Variants in CHCHD3 observed in about 807,000 individuals in gnomAD.
The protein encoded by CHCHD3 is coiled-coil-helix-coiled-coil-helix domain containing 3, also known as MICOS complex subunit MIC19.
Under a neutral mutation model 38.2 loss-of-function variants are expected in CHCHD3, and 20 were observed. The ratio of observed to expected loss-of-function variants is 0.52; its 90% CI spans 0.37 to 0.76. CHCHD3 has a LOEUF of 0.76. CHCHD3 is among the 30% of genes least tolerant of loss of function. CHCHD3 has a pLI of 0.00. For missense variants in CHCHD3, 245 were observed against 279.2 expected (o/e 0.88, Z 0.87); for synonymous variants, 82 against 100.0 (o/e 0.82, Z 1.07).
chr7:132,869,127 C>T (rs2117146297), intron 5 of CHCHD3, among the ~76,000 whole-genome samples: 1 of 152,284 alleles, frequency 6.6e-6, no homozygotes, highest in South Asian at 2.1e-4. Flanking sequence ...AGAAGACATG[C>T]TCACATTACA....
intron 3 of CHCHD3, among the ~76,000 whole-genome samples, chr7:132,976,001 C>A (rs1811757975): frequency 1.3e-5 from 2 of 151,280 alleles, no homozygotes; most frequent in African/African-American, 4.9e-5. Flanking sequence ...ACTTACTCAA[C>A]TCGTCCATTT....
At chr7:132,800,060 G>A (rs1806749067) in intron 6 of CHCHD3, among the ~76,000 whole-genome samples, 1 of 152,020 alleles carries the variant, frequency 6.6e-6, no homozygotes, top group South Asian at 2.1e-4. Context: ...ACATTCTTTG[G>A]CTAATGTTTA....
intron 4 of CHCHD3, among the ~76,000 whole-genome samples, chr7:132,951,055 A>C (rs1428834445): frequency 2.0e-5 from 3 of 152,164 alleles, no homozygotes; most frequent in Admixed American, 6.6e-5. Flanking sequence ...GGGAGAGAAA[A>C]ACAGCAAGAG....
intron 4 of CHCHD3, among the ~76,000 whole-genome samples, chr7:132,965,619 A>G (rs1811443948): frequency 6.6e-6 from 1 of 152,208 alleles, no homozygotes; most frequent in Admixed American, 6.5e-5. Flanking sequence ...CTGAGAGTCA[A>G]ATATGTAACC....
chr7:132,926,292 A>G (rs1810375436), intron 4 of CHCHD3, among the ~76,000 whole-genome samples: 1 of 152,200 alleles, frequency 6.6e-6, no homozygotes, highest in African/African-American at 2.4e-5. Flanking sequence ...TAGCAAGGAG[A>G]ATAGCTAGAT....
chr7:133,053,307 T>A (rs1814222488), intron 2 of CHCHD3, among the ~76,000 whole-genome samples: 1 of 152,186 alleles, frequency 6.6e-6, no homozygotes, highest in African/African-American at 2.4e-5. Flanking sequence ...AATAGGTGTC[T>A]CAGAGCAAAC....
chr7:133,029,741 T>TATCCCCTTCTCC (rs1335034748), intron 2 of CHCHD3, among the ~76,000 whole-genome samples: 2 of 152,176 alleles, frequency 1.3e-5, no homozygotes, highest in Admixed American at 1.3e-4. Context: ...TTTCCTTCTC[T>TATCCCCTTCTCC]ATCCCCTTCT....
intron 4 of CHCHD3, among the ~76,000 whole-genome samples, chr7:132,959,688 A>G (rs1381596974): frequency 6.7e-6 from 1 of 148,258 alleles, no homozygotes; most frequent in Non-Finnish European, 1.5e-5. Context: ...GTGCCACTGT[A>G]CTCCAGCCTG....
At chr7:132,929,884 T>C (rs577962336) in intron 4 of CHCHD3, among the ~76,000 whole-genome samples, 8 of 152,270 alleles carry the variant, frequency 5.3e-5, no homozygotes, top group Admixed American at 2.0e-4. Flanking sequence ...CCTATGGTTC[T>C]GATTGCCACG....
rs1399821392 is a variant in CHCHD3 at position 132,796,526 on chromosome 7, C to T, written c.576G>A (p.Gln192=). The part of the protein sequence containing the change: ...VCADLQAKIL[Q]CYRENTHQTL... The stretch of plus-strand genomic sequence containing the variant: ...TCTGGTGGGTGTTCTCACGGTAACA[C>T]TGAAGAATTTTGGCCTGCAGATCAG... The change falls in exon 7 of 8, where the codon CAG becomes CAA. Residue 192 remains glutamine, a synonymous_variant. Coordinates refer to ENST00000262570, the MANE Select transcript of CHCHD3 (RefSeq NM_017812.4). 2 of 1,613,876 alleles carry T rather than the reference C, an allele frequency of 1.2e-6. No homozygotes were observed. Among genetic ancestry groups the T allele is most frequent in the Non-Finnish European group, 1.7e-6 (2 of 1,179,856 alleles).
intron 6 of CHCHD3, among the ~76,000 whole-genome samples, chr7:132,821,832 G>A (rs531516571): frequency 1.0e-4 from 14 of 137,450 alleles, no homozygotes; most frequent in Admixed American, 2.5e-4. Flanking sequence ...GCGCAATCTC[G>A]GCTCACTGCA....
At chr7:133,006,621 C>A (rs1425117204) in intron 3 of CHCHD3, among the ~76,000 whole-genome samples, 3 of 151,980 alleles carry the variant, frequency 2.0e-5, no homozygotes, top group Non-Finnish European at 4.4e-5. Context: ...GAGAAAAAAA[C>A]AAGGATTCAT....
At chr7:132,910,490 A>C (rs1231211611) in intron 4 of CHCHD3, among the ~76,000 whole-genome samples, 1 of 152,212 alleles carries the variant, frequency 6.6e-6, no homozygotes, top group African/African-American at 2.4e-5. Flanking sequence ...GATTTTTGAC[A>C]GAGAATGGTG....
chr7:132,936,602 C>T (rs558776664), intron 4 of CHCHD3, among the ~76,000 whole-genome samples: 4 of 152,174 alleles, frequency 2.6e-5, no homozygotes, highest in African/African-American at 9.7e-5. Flanking sequence ...CCCTATTTCC[C>T]AATCTTATTC....
chr7:132,860,567 T>G (rs1157532704), intron 5 of CHCHD3, among the ~76,000 whole-genome samples: 1 of 152,184 alleles, frequency 6.6e-6, no homozygotes, highest in African/African-American at 2.4e-5. Flanking sequence ...GGTTTGGATT[T>G]TATTCTAACG....
At chr7:133,020,974 GGCA>G (rs1467446486) in intron 3 of CHCHD3, among the ~76,000 whole-genome samples, 2 of 151,890 alleles carry the variant, frequency 1.3e-5, no homozygotes, top group Non-Finnish European at 2.9e-5. Flanking sequence ...GGGGCCGGCG[GGCA>G]GCAGGAGGTG....
At chr7:133,059,293 G>T (rs531185489) in intron 2 of CHCHD3, among the ~76,000 whole-genome samples, 9 of 152,222 alleles carry the variant, frequency 5.9e-5, no homozygotes, top group Admixed American at 2.0e-4. Context: ...GAAGCCAGGG[G>T]TAACTTGGTT....
Position 132,860,210 on chromosome 7 carries a change from C to T in CHCHD3, c.454-21741G>A, listed in dbSNP as rs150724201. Reference sequence around the variant, plus strand: ...ATCAATTGAGCCCAGGAGGTTGTGGCGAGCCAAAATTGTGCCACTGCACTC... The same window carrying T: ...ATCAATTGAGCCCAGGAGGTTGTGGTGAGCCAAAATTGTGCCACTGCACTC... On this transcript the variant is annotated intron_variant, in intron 5 of 7. Transcript: ENST00000262570. 2.9e-3 allele frequency among the ~76,000 whole-genome samples: 443 copies of T among 151,758 alleles called. 2 individuals are homozygous for T. Among genetic ancestry groups the T allele is most frequent in the Non-Finnish European group, 5.2e-3 (354 of 67,902 alleles).
intron 4 of CHCHD3, among the ~76,000 whole-genome samples, chr7:132,957,466 A>G (rs1429006680): frequency 6.6e-6 from 1 of 151,846 alleles, no homozygotes; most frequent in Non-Finnish European, 1.5e-5. Flanking sequence ...CCTCTGGGGC[A>G]CACCCTTCTT....
Sources: gnomAD v4.1 joint callset for allele counts (sites outside exome capture counted in the v4.1 genomes callset) on GRCh38, gnomAD v4.1.1 for gene constraint, MANE v1.5 for transcripts, NCBI Gene and HGNC (gene_info 2026-07-23, HGNC 2026-07-21) for gene names.